Variants in BLM observed in about 807,000 individuals in gnomAD.
BLM encodes recQ-like DNA helicase BLM.
Under a neutral mutation model 135.3 loss-of-function variants are expected in BLM, and 95 were observed. The ratio of observed to expected loss-of-function variants is 0.70; its 90% CI spans 0.59 to 0.83. The LOEUF (loss-of-function observed/expected upper bound fraction) is 0.83, where lower values mean the gene tolerates loss of function less well. Among genes scored for constraint, BLM ranks in the 40% least tolerant of loss-of-function variants. The probability of loss-of-function intolerance (pLI) is 0.00; values close to 1 mark genes in which losing one functional copy is unlikely to be tolerated. For synonymous variants in BLM, 520 were observed against 589.2 expected (o/e 0.88, Z 1.70); for missense variants, 1,518 against 1,663.9 (o/e 0.91, Z 1.53).
intron 17 of BLM, among the ~76,000 whole-genome samples, chr15:90,798,767 A>C (rs1162020027): frequency 6.6e-6 from 1 of 151,336 alleles, no homozygotes; most frequent in Non-Finnish European, 1.5e-5. Context: ...GGATCACCTG[A>C]GATCAGGAGT....
chr15:90,763,858 A>T (rs1896051312), intron 8 of BLM, among the ~76,000 whole-genome samples: 1 of 152,192 alleles, frequency 6.6e-6, no homozygotes, highest in African/African-American at 2.4e-5. Context: ...GAGCGCAAGG[A>T]GAATTTGCAG....
chr15:90,736,708 A>C (rs1567029368), intron 1 of BLM, among the ~76,000 whole-genome samples: 1 of 152,190 alleles, frequency 6.6e-6, no homozygotes, highest in Non-Finnish European at 1.5e-5. Context: ...ACAGCTGTAA[A>C]GAAGAATGAG....
chr15:90,794,445 G>A, intron 16 of BLM, 88 bp downstream of exon 16: 1 of 1,074,116 alleles, frequency 9.3e-7, no homozygotes. Context: ...TGCAAAAGGT[G>A]GTCTCCGACA....
rs1289135025 is a variant in BLM at position 90,815,818 on chromosome 15, G to A, written c.*539G>A. 1.9e-5 allele frequency: 3 copies of A among 155,162 alleles called. No homozygotes were observed. The highest frequency in any genetic ancestry group is 1.4e-5 in the Non-Finnish European group (1 of 70,298). The allele number at this position is 155,162 out of a possible 1,614,324, so 9.6% of individuals were successfully genotyped here. A position where few individuals can be genotyped will look rare whatever the true frequency, so the allele number is the denominator to read the frequency against. On this transcript the variant is annotated 3_prime_UTR_variant, in exon 22 of 22. Coordinates refer to ENST00000355112, the MANE Select transcript of BLM (RefSeq NM_000057.4). This position sits in a 1 kb window ranked among gnomAD's most constrained non-coding sequence, Gnocchi z 4.6. ...CTCATGGCCCGGCACTGTGGCTCACGCCTGGGATCCCAGCACTTTGGGAGG... is the reference window on the plus strand; with the variant it reads ...CTCATGGCCCGGCACTGTGGCTCACACCTGGGATCCCAGCACTTTGGGAGG...
intron 1 of BLM, among the ~76,000 whole-genome samples, chr15:90,733,926 A>T (rs1039499085): frequency 6.6e-6 from 1 of 152,198 alleles, no homozygotes; most frequent in Non-Finnish European, 1.5e-5. Context: ...TACACAGCAT[A>T]ATTATTTTAT....
chr15:90,746,605 C>G (rs28384969), intron 1 of BLM, among the ~76,000 whole-genome samples: 1 of 152,056 alleles, frequency 6.6e-6, no homozygotes, highest in African/African-American at 2.4e-5. Flanking sequence ...CTAGTGTTAA[C>G]CCTGCCTCCT....
At chr15:90,732,787 T>C (rs548749164) in intron 1 of BLM, among the ~76,000 whole-genome samples, 1 of 152,250 alleles carries the variant, frequency 6.6e-6, no homozygotes, top group African/African-American at 2.4e-5. Context: ...GGAAAACATC[T>C]GATTCAAAAA....
chr15:90,725,311 A>C (rs1894880790), intron 1 of BLM, among the ~76,000 whole-genome samples: 1 of 151,644 alleles, frequency 6.6e-6, no homozygotes, highest in Non-Finnish European at 1.5e-5. Context: ...AAGTGCTTGC[A>C]CTCCCACCAA....
intron 12 of BLM, among the ~76,000 whole-genome samples, chr15:90,771,861 TA>T (rs1444419403): frequency 6.6e-6 from 1 of 152,192 alleles, no homozygotes; most frequent in African/African-American, 2.4e-5. Flanking sequence ...TATGTTTGAG[TA>T]AACAGTGTAC....
intron 9 of BLM, among the ~76,000 whole-genome samples, chr15:90,766,080 G>C (rs927042335): frequency 9.9e-5 from 15 of 152,124 alleles, no homozygotes; most frequent in Non-Finnish European, 2.1e-4. Flanking sequence ...CTACAATCTA[G>C]CCTTGGTGAA....
In BLM at chr15:90,782,894, T is replaced by G. The variant is rs1173168035; in HGVS notation, c.2628T>G (p.Phe876Leu). Residue 876 changes from phenylalanine (F) to leucine (L), a missense_variant, in exon 13 of 22, where the codon TTT (phenylalanine) becomes TTG (leucine). Coordinates refer to ENST00000355112, the MANE Select transcript of BLM (RefSeq NM_000057.4). The part of the protein sequence containing the change: ...VLPKKPKKVA[F>L]DCLEWIRKHH... ...CGAAAAAGCCTAAAAAGGTGGCATT[T>G]GATTGCCTAGAATGGATCAGAAAGC... 6.2e-7 allele frequency: 1 copy of G among 1,613,698 alleles called. No individual in the cohort carries two copies.
chr15:90,801,273 G>A (rs1360324393), intron 17 of BLM, among the ~76,000 whole-genome samples: 2 of 152,136 alleles, frequency 1.3e-5, no homozygotes, highest in Admixed American at 6.5e-5. Flanking sequence ...TCCAATTAGG[G>A]AAGGAAATTT....
chr15:90,721,413 G>A (rs376141095), intron 1 of BLM, among the ~76,000 whole-genome samples: 1 of 151,984 alleles, frequency 6.6e-6, no homozygotes, highest in Non-Finnish European at 1.5e-5. Flanking sequence ...TGTAACCTCC[G>A]TCTCCCGAGT....
In BLM at chr15:90,806,510, CAAA is replaced by C. The variant is rs3079983; in HGVS notation, c.3751+2168_3751+2170del. Reference sequence around the variant, plus strand: ...TGGGCGACAGAGCGAGACTCCATCTCAAAAAAAAAAAAAAAAAAAGTCTGCAAT... The same window carrying C: ...TGGGCGACAGAGCGAGACTCCATCTCAAAAAAAAAAAAAAAAGTCTGCAAT... On this transcript the variant is annotated intron_variant, in intron 19 of 21. Transcript: ENST00000355112. Among the ~76,000 whole-genome samples, 337 of 113,400 alleles carry C rather than the reference CAAA, an allele frequency of 3.0e-3. 1 individual carries two copies. The highest frequency in any genetic ancestry group is 4.2e-3 in the Non-Finnish European group (233 of 55,120). 74.4% of individuals were successfully genotyped at this position (113,400 alleles called of 152,430 possible). A position where few individuals can be genotyped will look rare whatever the true frequency, so the allele number is the denominator to read the frequency against.
In BLM at chr15:90,765,380, T is replaced by C; in HGVS notation, c.2159T>C (p.Ile720Thr). The change falls in exon 9 of 22, where the codon ATC becomes ACC. Residue 720 changes from isoleucine (I) to threonine (T), a missense_variant. By Grantham distance (89) the Ile-to-Thr change is moderately conservative (BLOSUM62 -1). Around this residue, in one of 5 missense-constraint regions of BLM, gnomAD observed 626 missense variants for 681.1 expected, o/e 0.92. Transcript: ENST00000355112. Reference protein sequence around the residue: ...TVVISPLRSLIVDQVQKLTSL... With the variant: ...TVVISPLRSLTVDQVQKLTSL... Reference sequence around the variant, plus strand: ...GTCATTTCTCCCTTGAGATCACTTATCGTAGATCAAGTCCAAAAGCTGACT... The same window carrying C: ...GTCATTTCTCCCTTGAGATCACTTACCGTAGATCAAGTCCAAAAGCTGACT... 1.2e-6 allele frequency: 2 copies of C among 1,612,986 alleles called. No individual in the cohort carries two copies. The highest frequency in any genetic ancestry group is 1.7e-6 in the Non-Finnish European group (2 of 1,179,044).
chr15:90,813,023 A>T (rs414634), intron 21 of BLM, among the ~76,000 whole-genome samples: 4 of 152,090 alleles, frequency 2.6e-5, no homozygotes, highest in Non-Finnish European at 4.4e-5. Flanking sequence ...CTCAACACCC[A>T]GGGTTTTTGA....
At chr15:90,796,784 T>C (rs1043943848) in intron 16 of BLM, among the ~76,000 whole-genome samples, 5 of 152,152 alleles carry the variant, frequency 3.3e-5, no homozygotes, top group African/African-American at 1.2e-4. Context: ...CCAGGTAATA[T>C]GTTGAAGTGA....
chr15:90,750,588 A>T (rs1352466242), intron 3 of BLM, among the ~76,000 whole-genome samples: 1 of 152,110 alleles, frequency 6.6e-6, no homozygotes, highest in South Asian at 2.1e-4. Flanking sequence ...TATTTCTGGG[A>T]TTTTCCATTT....
chr15:90,749,313 TGGG>T, intron 2 of BLM, 51 bp from the exon 3 acceptor site: 1 of 1,357,264 alleles, frequency 7.4e-7, no homozygotes. Context: ...TTTGTAGAGT[TGGG>T]GGGTTTCTTA....
Sources: allele counts gnomAD v4.1 joint callset (sites outside exome capture counted in the v4.1 genomes callset), GRCh38; gene constraint gnomAD v4.1.1; regional missense constraint gnomAD v4.1.1; non-coding constraint Gnocchi (gnomAD v3.1); transcripts MANE v1.5; gene names NCBI Gene and HGNC (gene_info 2026-07-23, HGNC 2026-07-21).